The following MSN variants were observed in gnomAD, a reference collection of about 807,000 sequenced individuals.
The protein encoded by MSN is moesin.
Under a neutral mutation model 48.0 loss-of-function variants are expected in MSN, and 2 were observed. The observed-to-expected ratio is 0.04, with a 90% CI of 0.02 to 0.13. The LOEUF is 0.13. Ranked by LOEUF, MSN falls within the 10% of genes least tolerant of loss-of-function variation. The probability of loss-of-function intolerance (pLI) is 1.00; values close to 1 mark genes in which losing one functional copy is unlikely to be tolerated. For missense variants in MSN, 267 were observed against 470.1 expected (o/e 0.57, Z 3.99); for synonymous variants, 146 against 166.9 (o/e 0.87, Z 0.97).
intron 1 of MSN, among the ~76,000 whole-genome samples, chrX:65,636,747 CAAAAAAAAAAAAAA>C (rs1219240320): frequency 3.2e-4 from 2 of 6,338 alleles, no homozygotes; most frequent in Non-Finnish European, 7.4e-4. Flanking sequence ...AACTCCATCT[CAAAAAAAAAAAAAA>C]AAAAAAAAAA....
chrX:65,701,380 TG>T (rs1050308405), intron 1 of MSN, among the ~76,000 whole-genome samples: 1 of 111,767 alleles, frequency 8.9e-6, no homozygotes, highest in African/African-American at 3.3e-5. Context: ...CTTACTTTGC[TG>T]GGTGCTAACC....
At chrX:65,633,999 T>G (rs970777338) in intron 1 of MSN, among the ~76,000 whole-genome samples, 1 of 111,490 alleles carries the variant, frequency 9.0e-6, no homozygotes, top group Non-Finnish European at 1.9e-5. Context: ...TTCACCTTCT[T>G]TATCAATTCC....
At chrX:65,630,858 A>T (rs1427073539) in intron 1 of MSN, among the ~76,000 whole-genome samples, 1 of 111,602 alleles carries the variant, frequency 9.0e-6, no homozygotes, top group Non-Finnish European at 1.9e-5. Flanking sequence ...AATTTTTTGA[A>T]ATTTTAATTT....
intron 1 of MSN, among the ~76,000 whole-genome samples, chrX:65,633,058 G>A (rs1340910487): frequency 9.0e-6 from 1 of 111,642 alleles, no homozygotes; most frequent in East Asian, 2.8e-4. Flanking sequence ...GCATATTATG[G>A]TAGCCACAGA....
chrX:65,673,459 CTT>C (rs535119692), intron 1 of MSN, among the ~76,000 whole-genome samples: 14 of 99,543 alleles, frequency 1.4e-4, no homozygotes, highest in African/African-American at 3.3e-4. Context: ...TGGGGTACAG[CTT>C]TTTTTTTTTT....
intron 1 of MSN, among the ~76,000 whole-genome samples, chrX:65,612,377 A>G (rs967681417): frequency 3.6e-5 from 4 of 110,737 alleles, no homozygotes; most frequent in Non-Finnish European, 5.7e-5. Flanking sequence ...GTTCCTCATA[A>G]ATTACCTACT....
intron 1 of MSN, among the ~76,000 whole-genome samples, chrX:65,623,368 C>CTTTTTTTT (rs773663630): frequency 1.3e-5 from 1 of 74,172 alleles, no homozygotes; most frequent in Non-Finnish European, 2.7e-5. Flanking sequence ...TCTTTCTTTT[C>CTTTTTTTT]TTTTTTTTTT....
At chrX:65,673,446 T>C (rs1249308433) in intron 1 of MSN, among the ~76,000 whole-genome samples, 1 of 110,109 alleles carries the variant, frequency 9.1e-6, no homozygotes, top group Admixed American at 9.7e-5. Context: ...GGACTGGCTA[T>C]TGTGGGGTAC....
chrX:65,650,514 C>A (rs2070734808), intron 1 of MSN, among the ~76,000 whole-genome samples: 1 of 112,461 alleles, frequency 8.9e-6, no homozygotes, highest in Non-Finnish European at 1.9e-5. Flanking sequence ...TGAAATGGCA[C>A]CCCACATTAA....
chrX:65,717,019 G>A, intron 2 of MSN, 118 bp downstream of exon 2: 1 of 644,746 alleles, frequency 1.6e-6, no homozygotes, highest in Non-Finnish European at 2.4e-6. Context: ...CTCCAAGATA[G>A]ATCAAAATGA....
intron 1 of MSN, among the ~76,000 whole-genome samples, chrX:65,616,026 C>A: frequency 9.0e-6 from 1 of 110,817 alleles, no homozygotes; most frequent in Middle Eastern, 4.6e-3. Flanking sequence ...AGATATGCGG[C>A]GTTATTTCTG....
At chrX:65,675,446 A>G (rs1206079238) in intron 1 of MSN, among the ~76,000 whole-genome samples, 1 of 110,511 alleles carries the variant, frequency 9.0e-6, no homozygotes, top group Non-Finnish European at 1.9e-5. Flanking sequence ...CCCTAGACCA[A>G]TGCTCTCTTG....
chrX:65,620,710 T>G (rs753351526), intron 1 of MSN, among the ~76,000 whole-genome samples: 69 of 111,968 alleles, frequency 6.2e-4, no homozygotes, highest in African/African-American at 2.2e-3. Context: ...GAGCTGCTCC[T>G]ATTCGGCCAT....
chrX:65,617,838 A>G (rs375271293), intron 1 of MSN, among the ~76,000 whole-genome samples: 2 of 109,768 alleles, frequency 1.8e-5, no homozygotes, highest in Non-Finnish European at 3.8e-5. Flanking sequence ...TCTCTTGTGG[A>G]CATTTAGTGC....
intron 1 of MSN, among the ~76,000 whole-genome samples, chrX:65,694,625 G>A (rs2071212760): frequency 8.9e-6 from 1 of 112,214 alleles, no homozygotes; most frequent in Non-Finnish European, 1.9e-5. Context: ...CACCACGCCC[G>A]GCACTCTTTA....
At chrX:65,688,742 T>A (rs2071143551) in intron 1 of MSN, among the ~76,000 whole-genome samples, 4 of 112,203 alleles carry the variant, frequency 3.6e-5, no homozygotes, top group Middle Eastern at 4.7e-3. Flanking sequence ...TGTGTGGGGA[T>A]GGCCACCTGT....
At chrX:65,655,602 C>T (rs925578245) in intron 1 of MSN, among the ~76,000 whole-genome samples, 31 of 112,331 alleles carry the variant, frequency 2.8e-4, no homozygotes, top group African/African-American at 8.7e-4. Flanking sequence ...CAAACCTTCT[C>T]CCTCGTGTCC....
chrX:65,645,926 T>G (rs1053670663), intron 1 of MSN, among the ~76,000 whole-genome samples: 5 of 112,142 alleles, frequency 4.5e-5, no homozygotes, highest in Non-Finnish European at 7.5e-5. Context: ...CTAATATAGG[T>G]CTAGTATCCC....
At chrX:65,722,005 C>A (rs2071521693) in intron 2 of MSN, among the ~76,000 whole-genome samples, 1 of 111,778 alleles carries the variant, frequency 8.9e-6, no homozygotes, top group Admixed American at 9.5e-5. Context: ...TCACTTGAGT[C>A]CAGGAGTTCA....
Sources: gnomAD v4.1 joint callset for allele counts (sites outside exome capture counted in the v4.1 genomes callset) on GRCh38, gnomAD v4.1.1 for gene constraint, MANE v1.5 for transcripts, NCBI Gene and HGNC (gene_info 2026-07-23, HGNC 2026-07-21) for gene names.